Variants in SRPK2 observed in about 807,000 individuals in gnomAD.
SRPK2 encodes SRSF protein kinase 2.
A neutral mutation model predicts 90.8 loss-of-function variants in SRPK2; 21 were observed. The observed-to-expected ratio is 0.23, with a 90% CI of 0.16 to 0.33. The LOEUF is 0.33. Among genes scored for constraint, SRPK2 ranks in the 10% least tolerant of loss-of-function variants. The pLI, the probability that SRPK2 is intolerant of heterozygous loss-of-function variation, is 1.00. For missense variants in SRPK2, 620 were observed against 869.0 expected (o/e 0.71, Z 3.60); for synonymous variants, 288 against 311.1 (o/e 0.93, Z 0.78).
chr7:105,128,232 C>T (rs1255752556), intron 13 of SRPK2, among the ~76,000 whole-genome samples: 2 of 152,182 alleles, frequency 1.3e-5, no homozygotes, highest in East Asian at 3.8e-4. Flanking sequence ...AGATGGCTTC[C>T]AGCTGACCGA....
intron 2 of SRPK2, among the ~76,000 whole-genome samples, chr7:105,319,965 T>G (rs1203953937): frequency 6.6e-6 from 1 of 151,850 alleles, no homozygotes. Flanking sequence ...AATTGTTCAC[T>G]GCTCAATTAA....
chr7:105,159,448 C>CAAAAAAAAAAAAAAA (rs765544583), intron 7 of SRPK2, among the ~76,000 whole-genome samples: 385 of 33,118 alleles, frequency 0.012, 81 homozygotes, highest in Middle Eastern at 0.02. Context: ...ACTCCGTCTC[C>CAAAAAAAAAAAAAAA]AAAAAAAAAA....
intron 3 of SRPK2, among the ~76,000 whole-genome samples, chr7:105,196,443 C>G (rs1794922783): frequency 6.6e-6 from 1 of 152,214 alleles, no homozygotes; most frequent in Non-Finnish European, 1.5e-5. Flanking sequence ...CAGAGATTTT[C>G]CATCTGGGCA....
intron 3 of SRPK2, among the ~76,000 whole-genome samples, chr7:105,202,506 T>A (rs1795686686): frequency 6.6e-6 from 1 of 152,224 alleles, no homozygotes; most frequent in South Asian, 2.1e-4. Context: ...AAGAAGCAGC[T>A]GAATAGTCAT....
chr7:105,388,748 G>A (rs753686319), intron 1 of SRPK2, 43 bp downstream of exon 1: 2 of 1,546,582 alleles, frequency 1.3e-6, no homozygotes, highest in Non-Finnish European at 1.7e-6. Flanking sequence ...GCCCGCCCGG[G>A]CTGGCCGCGT....
chr7:105,350,128 ATT>A (rs749102424), intron 2 of SRPK2, among the ~76,000 whole-genome samples: 61 of 133,498 alleles, frequency 4.6e-4, no homozygotes, highest in Middle Eastern at 4.2e-3. Context: ...AGTTGCTATA[ATT>A]TTTTTTTTTT....
chr7:105,135,984 C>G lies in SRPK2; in HGVS notation c.1544-2880G>C, dbSNP rs1044011239. The stretch of plus-strand genomic sequence containing the variant: ...TTCACCATGTTGGCCAGGCTGGTCT[C>G]GAACTCCTGACATCAAGTGATCTGC... On this transcript the variant is annotated intron_variant, in intron 11 of 15. Coordinates refer to ENST00000393651, the MANE Select transcript of SRPK2 (RefSeq NM_182692.3). Among the ~76,000 whole-genome samples the G allele has an allele frequency of 2.0e-5, 3 of 152,070 alleles. No homozygotes were observed. In the East Asian group the frequency reaches 5.8e-4, roughly 29 times the overall value.
At chr7:105,234,503 G>A (rs925211492) in intron 2 of SRPK2, among the ~76,000 whole-genome samples, 11 of 152,026 alleles carry the variant, frequency 7.2e-5, no homozygotes, top group Non-Finnish European at 1.3e-4. Flanking sequence ...CTTACTATGT[G>A]CCACTTCAAC....
chr7:105,188,255 T>G (rs1232557473), intron 3 of SRPK2, among the ~76,000 whole-genome samples: 3 of 152,220 alleles, frequency 2.0e-5, no homozygotes. Context: ...CAAAAAGTGA[T>G]GTATTGTGTT....
At chr7:105,171,116 A>T (rs1791080462) in intron 3 of SRPK2, among the ~76,000 whole-genome samples, 1 of 151,900 alleles carries the variant, frequency 6.6e-6, no homozygotes, top group Non-Finnish European at 1.5e-5. Flanking sequence ...AGAGGAAGAA[A>T]TCAGCTATAG....
intron 2 of SRPK2, among the ~76,000 whole-genome samples, chr7:105,323,186 T>C (rs1366189688): frequency 6.6e-6 from 1 of 151,030 alleles, no homozygotes; most frequent in East Asian, 1.9e-4. Flanking sequence ...TGAGACTCCA[T>C]CCAAAAAGAA....
At chr7:105,396,760 A>T (rs1219624371) in intron 1 of SRPK2, among the ~76,000 whole-genome samples, 6 of 142,494 alleles carry the variant, frequency 4.2e-5, no homozygotes, top group African/African-American at 1.7e-4. Flanking sequence ...GAGGAGAGGA[A>T]AGAGAGAGAA....
intron 3 of SRPK2, chr7:105,189,368 T>C: frequency 6.2e-6 from 1 of 161,740 alleles, no homozygotes; most frequent in Non-Finnish European, 1.3e-5. Context: ...AGACTCATCC[T>C]AATGTAGGGG....
intron 7 of SRPK2, 76 bp from the exon 8 acceptor site, chr7:105,146,734 T>C (rs1270824596): frequency 2.1e-6 from 3 of 1,421,616 alleles, no homozygotes; most frequent in East Asian, 2.5e-5. Flanking sequence ...TTGAAAAACA[T>C]GTAATACAAT....
intron 2 of SRPK2, among the ~76,000 whole-genome samples, chr7:105,364,689 A>G (rs1818832811): frequency 6.6e-6 from 1 of 152,074 alleles, no homozygotes; most frequent in Admixed American, 6.6e-5. Flanking sequence ...GGGGAGAGCC[A>G]CCGCGCCTGG....
At chr7:105,256,852 T>C (rs1440328631) in intron 2 of SRPK2, among the ~76,000 whole-genome samples, 6 of 152,192 alleles carry the variant, frequency 3.9e-5, no homozygotes, top group Non-Finnish European at 7.4e-5. Context: ...TAGCCACTCA[T>C]TGGACATACT....
chr7:105,342,771 A>G (rs143175326), intron 2 of SRPK2, among the ~76,000 whole-genome samples: 220 of 152,284 alleles, frequency 1.4e-3, no homozygotes, highest in African/African-American at 5.0e-3. Flanking sequence ...CCACATACCC[A>G]AACTATGGAT....
intron 2 of SRPK2, among the ~76,000 whole-genome samples, chr7:105,292,325 T>C (rs942653523): frequency 2.0e-5 from 3 of 152,006 alleles, no homozygotes; most frequent in South Asian, 4.1e-4. Flanking sequence ...CTGGCCAGCA[T>C]GGCAAAACCC....
chr7:105,231,320 C>A (rs1332732926), intron 2 of SRPK2, among the ~76,000 whole-genome samples: 3 of 152,144 alleles, frequency 2.0e-5, no homozygotes, highest in African/African-American at 7.2e-5. Context: ...GGTCACTGAT[C>A]GGCATTTACA....
Sources: allele counts gnomAD v4.1 joint callset (sites outside exome capture counted in the v4.1 genomes callset), GRCh38; gene constraint gnomAD v4.1.1; transcripts MANE v1.5; gene names NCBI Gene and HGNC (gene_info 2026-07-23, HGNC 2026-07-21).